PDE1A: variants seen among roughly 807,000 people sequenced by gnomAD.
The protein encoded by PDE1A is phosphodiesterase 1A.
Under a neutral mutation model 61.7 loss-of-function variants are expected in PDE1A, and 35 were observed. The observed-to-expected ratio is 0.57, with a 90% CI of 0.43 to 0.75. The LOEUF (loss-of-function observed/expected upper bound fraction) is 0.75. Among genes scored for constraint, PDE1A ranks in the 30% least tolerant of loss-of-function variants. The probability of loss-of-function intolerance (pLI) is 0.00; values close to 1 mark genes in which losing one functional copy is unlikely to be tolerated. For missense variants in PDE1A, 597 were observed against 630.6 expected, an observed-to-expected ratio of 0.95 and a Z score of 0.57; for synonymous variants, 232 against 213.2, an observed-to-expected ratio of 1.09 and a Z score of -0.77.
At chr2:182,404,577 C>CA (rs140022959) in intron 1 of PDE1A, among the ~76,000 whole-genome samples, 1,941 of 152,224 alleles carry the variant, frequency 0.013, 27 homozygotes, top group South Asian at 0.048. Flanking sequence ...TACTGTTGTA[C>CA]AAAAATATTT....
intron 13 of PDE1A, among the ~76,000 whole-genome samples, chr2:182,160,754 T>G (rs1299879309): frequency 6.6e-6 from 1 of 152,152 alleles, no homozygotes; most frequent in African/African-American, 2.4e-5. Flanking sequence ...TGTGACAGTG[T>G]GAGCCAATTT....
chr2:182,670,407 T>C, the PDE1A span, among the ~76,000 whole-genome samples: 1 of 152,138 alleles, frequency 6.6e-6, no homozygotes, highest in Non-Finnish European at 1.5e-5. Flanking sequence ...TATCTCAGAG[T>C]GAGACCCAGC....
chr2:182,573,439 A>G, the PDE1A span, among the ~76,000 whole-genome samples: 1 of 152,140 alleles, frequency 6.6e-6, no homozygotes, highest in Non-Finnish European at 1.5e-5. Context: ...AGACAGCTAT[A>G]CTAGTCTCTT....
intron 1 of PDE1A, among the ~76,000 whole-genome samples, chr2:182,350,639 T>C (rs964265970): frequency 7.2e-5 from 11 of 152,190 alleles, no homozygotes; most frequent in African/African-American, 4.8e-5. Flanking sequence ...TATATAATTA[T>C]ATTCTAAGTA....
intron 2 of PDE1A, among the ~76,000 whole-genome samples, chr2:182,432,103 C>T (rs181889952): frequency 2.1e-4 from 32 of 152,172 alleles, no homozygotes; most frequent in African/African-American, 3.4e-4. Flanking sequence ...CCAGCTTTAG[C>T]GGCAAGTTTC....
chr2:182,559,781 A>T, the PDE1A span, among the ~76,000 whole-genome samples: 1 of 152,216 alleles, frequency 6.6e-6, no homozygotes, highest in Non-Finnish European at 1.5e-5. Flanking sequence ...ATGAAGCACT[A>T]TATGTACAGC....
At chr2:182,252,944 A>G (rs1273419668) in intron 2 of PDE1A, among the ~76,000 whole-genome samples, 14 of 152,242 alleles carry the variant, frequency 9.2e-5, no homozygotes, top group Non-Finnish European at 1.5e-5. Flanking sequence ...AGAATGTACA[A>G]ACATCTTTGT....
exon 3 of PDE1A, chr2:182,240,190 C>T: frequency 2.5e-6 from 4 of 1,613,914 alleles, no homozygotes; most frequent in Non-Finnish European, 3.4e-6. Flanking sequence ...TTTTTGTCAT[C>T]CCCATTTTCC....
chr2:182,660,108 G>A, the PDE1A span, among the ~76,000 whole-genome samples: 1 of 152,142 alleles, frequency 6.6e-6, no homozygotes, highest in Non-Finnish European at 1.5e-5. Context: ...AAACTCAGAA[G>A]CTCTTGGATT....
At chr2:182,659,817 G>A in the PDE1A span, among the ~76,000 whole-genome samples, 6 of 152,136 alleles carry the variant, frequency 3.9e-5, no homozygotes, top group Non-Finnish European at 7.4e-5. Flanking sequence ...AAACAGAAAT[G>A]TAAGTATTAA....
intron 2 of PDE1A, among the ~76,000 whole-genome samples, chr2:182,521,325 C>T (rs1176760248): frequency 6.6e-6 from 1 of 151,840 alleles, no homozygotes; most frequent in African/African-American, 2.4e-5. Flanking sequence ...CTCTATTTTG[C>T]ATAGTGTAGG....
At chr2:182,458,759 G>A (rs186497369) in intron 2 of PDE1A, among the ~76,000 whole-genome samples, 16 of 152,128 alleles carry the variant, frequency 1.1e-4, no homozygotes, top group Non-Finnish European at 2.4e-4. Flanking sequence ...AGCAAAATGT[G>A]GGGGAGGTCA....
the PDE1A span, among the ~76,000 whole-genome samples, chr2:182,651,436 T>C: frequency 6.6e-6 from 1 of 152,238 alleles, no homozygotes; most frequent in Non-Finnish European, 1.5e-5. Flanking sequence ...AAATTTAGTA[T>C]GATCTTTTTC....
chr2:182,240,025 A>AT, intron 3 of PDE1A, 85 bp downstream of exon 3: 1 of 1,208,852 alleles, frequency 8.3e-7, no homozygotes, highest in Non-Finnish European at 1.2e-6. Context: ...TAAGTGAAAT[A>AT]TAGACTGCTC....
intron 2 of PDE1A, among the ~76,000 whole-genome samples, chr2:182,434,617 C>T (rs1704119618): frequency 6.6e-6 from 1 of 151,934 alleles, no homozygotes; most frequent in Non-Finnish European, 1.5e-5. Context: ...TCTTAAAAGT[C>T]CCCACCTCTA....
chr2:182,626,238 A>C, the PDE1A span, among the ~76,000 whole-genome samples: 2 of 152,200 alleles, frequency 1.3e-5, no homozygotes, highest in Non-Finnish European at 2.9e-5. Flanking sequence ...TTGAAACAGC[A>C]AATGTGAATA....
chr2:182,674,361 C>A, the PDE1A span, among the ~76,000 whole-genome samples: 1 of 151,972 alleles, frequency 6.6e-6, no homozygotes, highest in African/African-American at 2.4e-5. Flanking sequence ...AGGGTCCCAG[C>A]CTCCAGTAAA....
chr2:182,240,907 A>G (rs540257980), intron 2 of PDE1A, among the ~76,000 whole-genome samples: 1 of 152,330 alleles, frequency 6.6e-6, no homozygotes, highest in Non-Finnish European at 1.5e-5. Flanking sequence ...AAAAAAATGA[A>G]AACACATGAT....
At chr2:182,686,433 G>A in the PDE1A span, among the ~76,000 whole-genome samples, 2 of 152,054 alleles carry the variant, frequency 1.3e-5, no homozygotes. Context: ...ATTCTTACTA[G>A]TATTCAGAAT....
Sources: allele counts gnomAD v4.1 joint callset (sites outside exome capture counted in the v4.1 genomes callset), GRCh38; gene constraint gnomAD v4.1.1; transcripts MANE v1.5; gene names NCBI Gene and HGNC (gene_info 2026-07-23, HGNC 2026-07-21).